Variants in SLC35F1 observed in about 807,000 individuals in gnomAD.
The protein encoded by SLC35F1 is solute carrier family 35 member F1.
In SLC35F1, 14 loss-of-function variants were observed where a neutral mutation model predicts 48.7. The ratio of observed to expected loss-of-function variants is 0.29; its 90% CI spans 0.19 to 0.45. The LOEUF (loss-of-function observed/expected upper bound fraction) is 0.45, where lower values mean the gene tolerates loss of function less well. Ranked by LOEUF, SLC35F1 falls within the 20% of genes least tolerant of loss-of-function variation. SLC35F1 has a pLI of 1.00. For synonymous variants in SLC35F1, 190 were observed against 202.2 expected, an observed-to-expected ratio of 0.94 and a Z score of 0.51; for missense variants, 404 against 500.0, an observed-to-expected ratio of 0.81 and a Z score of 1.83.
At chr6:118,049,193 C>A (rs1772347366) in intron 1 of SLC35F1, among the ~76,000 whole-genome samples, 1 of 152,162 alleles carries the variant, frequency 6.6e-6, no homozygotes, top group Admixed American at 6.5e-5. Context: ...CCCTTCCTTA[C>A]ACCTTATACA....
intron 1 of SLC35F1, among the ~76,000 whole-genome samples, chr6:118,120,339 CATCACAAAGA>C (rs1282733213): frequency 6.6e-6 from 1 of 152,114 alleles, no homozygotes; most frequent in Non-Finnish European, 1.5e-5. Context: ...ACTGCCGTCT[CATCACAAAGA>C]ATCACATTTA....
chr6:118,296,074 G>A (rs1776180872), intron 7 of SLC35F1, among the ~76,000 whole-genome samples: 1 of 152,106 alleles, frequency 6.6e-6, no homozygotes, highest in Non-Finnish European at 1.5e-5. Flanking sequence ...TTGTGGCTCT[G>A]CCATCCTCTA....
Position 118,140,862 on chromosome 6 carries a change from G to T in SLC35F1, c.174-13583G>T, listed in dbSNP as rs557980487. On this transcript the variant is annotated intron_variant, in intron 1 of 7. Transcript: ENST00000360388. ...AGCAAAATAAATAATGTTAAAAGTA[G>T]AAATAAGCTTATAGAATAAGTATAT... Among the ~76,000 whole-genome samples, 8 of 148,192 alleles carry T rather than the reference G, an allele frequency of 5.4e-5. No homozygotes were observed. The South Asian group carries it at 1.5e-3, about 28-fold the overall frequency.
intron 1 of SLC35F1, among the ~76,000 whole-genome samples, chr6:118,101,587 A>T (rs1729176653): frequency 6.6e-6 from 1 of 152,234 alleles, no homozygotes; most frequent in Admixed American, 6.5e-5. Flanking sequence ...TAAAATGAAA[A>T]ATAATGAGAA....
At chr6:118,293,094 C>G (rs1776144586) in intron 7 of SLC35F1, among the ~76,000 whole-genome samples, 1 of 152,256 alleles carries the variant, frequency 6.6e-6, no homozygotes, top group African/African-American at 2.4e-5. Context: ...AAGGTCAGAG[C>G]TTGGTCTGAG....
intron 2 of SLC35F1, among the ~76,000 whole-genome samples, chr6:118,192,093 G>A (rs1330353202): frequency 6.6e-6 from 1 of 152,126 alleles, no homozygotes; most frequent in Non-Finnish European, 1.5e-5. Context: ...ATATCCTCTT[G>A]AATACGAGTT....
intron 3 of SLC35F1, among the ~76,000 whole-genome samples, chr6:118,255,940 G>T (rs555322309): frequency 6.6e-6 from 1 of 152,154 alleles, no homozygotes; most frequent in South Asian, 2.1e-4. Context: ...AGGGGAGAGC[G>T]CTGTGAATAA....
intron 2 of SLC35F1, among the ~76,000 whole-genome samples, chr6:118,157,479 A>G (rs1309255450): frequency 6.6e-6 from 1 of 152,156 alleles, no homozygotes; most frequent in Non-Finnish European, 1.5e-5. Context: ...CATGATCACA[A>G]GGTGAAGTCC....
intron 1 of SLC35F1, among the ~76,000 whole-genome samples, chr6:118,030,491 T>C (rs1168312705): frequency 1.3e-5 from 2 of 152,148 alleles, no homozygotes; most frequent in African/African-American, 2.4e-5. Flanking sequence ...TCTGTGTGGC[T>C]TTGGAGAAAC....
intron 1 of SLC35F1, among the ~76,000 whole-genome samples, chr6:117,953,334 C>T (rs1373775684): frequency 6.6e-6 from 1 of 152,014 alleles, no homozygotes; most frequent in African/African-American, 2.4e-5. Context: ...CACATGACAA[C>T]CTTATTATTT....
intron 1 of SLC35F1, among the ~76,000 whole-genome samples, chr6:118,035,453 A>AAC (rs1206328621): frequency 6.6e-6 from 1 of 151,106 alleles, no homozygotes; most frequent in African/African-American, 2.4e-5. Flanking sequence ...CTAAAAAAAA[A>AAC]AACCCAAAAA....
At chr6:117,999,141 A>G in intron 1 of SLC35F1, 1 of 1,590,476 alleles carries the variant, frequency 6.3e-7, no homozygotes, top group Non-Finnish European at 8.5e-7. Context: ...GGCCTAAAGA[A>G]GATGCAGGCC....
chr6:118,118,741 CAGAG>C, intron 1 of SLC35F1, among the ~76,000 whole-genome samples: 1 of 151,994 alleles, frequency 6.6e-6, no homozygotes, highest in Non-Finnish European at 1.5e-5. Flanking sequence ...GGTGGGTAAA[CAGAG>C]CAGAACTCAT....
chr6:117,977,380 A>G (rs1776719622), intron 1 of SLC35F1, among the ~76,000 whole-genome samples: 1 of 151,996 alleles, frequency 6.6e-6, no homozygotes, highest in Non-Finnish European at 1.5e-5. Flanking sequence ...AAACCAATTT[A>G]TACACTAGGA....
At chr6:117,998,079 G>A (rs1426654773) in intron 1 of SLC35F1, among the ~76,000 whole-genome samples, 24 of 147,866 alleles carry the variant, frequency 1.6e-4, no homozygotes, top group Admixed American at 1.6e-3. Context: ...GATGGAGGAA[G>A]ATCTACCAAG....
chr6:118,140,601 T>TTG (rs1554230650), intron 1 of SLC35F1, among the ~76,000 whole-genome samples: 1 of 151,864 alleles, frequency 6.6e-6, no homozygotes, highest in African/African-American at 2.4e-5. Context: ...TCCTTATATT[T>TTG]TTTTTTTTGT....
At chr6:118,267,766 A>G (rs1388748355) in intron 4 of SLC35F1, among the ~76,000 whole-genome samples, 1 of 152,222 alleles carries the variant, frequency 6.6e-6, no homozygotes, top group Non-Finnish European at 1.5e-5. Flanking sequence ...TATCAATTAG[A>G]GTTTATAAAC....
intron 1 of SLC35F1, chr6:117,999,168 T>C: frequency 6.3e-7 from 1 of 1,594,012 alleles, no homozygotes; most frequent in Non-Finnish European, 8.5e-7. Flanking sequence ...GCCAAGGCCA[T>C]GAGTGCACGT....
intron 1 of SLC35F1, among the ~76,000 whole-genome samples, chr6:117,959,745 G>A (rs1366590806): frequency 2.0e-5 from 3 of 151,994 alleles, no homozygotes; most frequent in East Asian, 1.9e-4. Context: ...AAGAAGTTTC[G>A]ACGTATAATA....
Sources: allele counts gnomAD v4.1 joint callset (sites outside exome capture counted in the v4.1 genomes callset), GRCh38; gene constraint gnomAD v4.1.1; transcripts MANE v1.5; gene names NCBI Gene and HGNC (gene_info 2026-07-23, HGNC 2026-07-21).